Variants in FBXL13 observed in about 807,000 individuals in gnomAD.
FBXL13 encodes F-box and leucine rich repeat protein 13.
Under a neutral mutation model 83.6 loss-of-function variants are expected in FBXL13, and 67 were observed. The observed-to-expected ratio is 0.80, with a 90% CI of 0.66 to 0.98. The LOEUF is 0.98. FBXL13 is among the 50% of genes least tolerant of loss of function. FBXL13 has a pLI of 0.00. For synonymous variants in FBXL13, 272 were observed against 299.5 expected (o/e 0.91, Z 0.95); for missense variants, 822 against 866.5 (o/e 0.95, Z 0.64).
intron 1 of FBXL13, among the ~76,000 whole-genome samples, chr7:103,057,299 G>A (rs759028471): frequency 1.9e-4 from 29 of 152,172 alleles, no homozygotes; most frequent in Middle Eastern, 3.4e-3. Flanking sequence ...TCACTGTACC[G>A]TGAGGGTTTG....
intron 8 of FBXL13, chr7:102,933,027 A>G (rs1819523829): frequency 6.6e-6 from 1 of 152,250 alleles, no homozygotes; most frequent in African/African-American, 2.4e-5. Context: ...ACAGTAAACA[A>G]AAGAAGTTAA....
chr7:102,847,617 C>T (rs1263370933), intron 17 of FBXL13, among the ~76,000 whole-genome samples: 6 of 150,942 alleles, frequency 4.0e-5, no homozygotes, highest in African/African-American at 1.5e-4. Flanking sequence ...ACCTCTGCCT[C>T]CTGGGTTCCA....
chr7:103,065,032 CTGT>C (rs2129502075), intron 1 of FBXL13, among the ~76,000 whole-genome samples: 1 of 152,294 alleles, frequency 6.6e-6, no homozygotes, highest in South Asian at 2.1e-4. Flanking sequence ...TAAGTGATTC[CTGT>C]TGTTGTAAGC....
At chr7:103,012,862 A>G (rs1791806009) in intron 6 of FBXL13, among the ~76,000 whole-genome samples, 1 of 152,230 alleles carries the variant, frequency 6.6e-6, no homozygotes, top group African/African-American at 2.4e-5. Context: ...ACAGAGTGGA[A>G]AGCAAAACCC....
downstream of FBXL13, among the ~76,000 whole-genome samples, chr7:102,812,236 C>T (rs1261007005): frequency 2.0e-5 from 3 of 152,242 alleles, no homozygotes; most frequent in Non-Finnish European, 2.9e-5. Context: ...GTGCTCACTT[C>T]GGCAGCACAT....
Position 102,887,686 on chromosome 7 carries a change from A to G in FBXL13, c.1009-3374T>C, listed in dbSNP as rs182187923. Among the ~76,000 whole-genome samples, 21 of 152,324 alleles carry G rather than the reference A, an allele frequency of 1.4e-4. No homozygotes were observed. In the East Asian group the frequency reaches 3.7e-3, roughly 27 times the overall value. ...ATCTTCAACTGAATGAAGTTCACCC[A>G]CATTATAGAGGGGAGTCCACTTTAC... On this transcript the variant is annotated intron_variant, in intron 11 of 19. Coordinates refer to ENST00000313221, the Ensembl canonical transcript of FBXL13.
At chr7:102,962,139 G>GA (rs1201126333) in intron 8 of FBXL13, among the ~76,000 whole-genome samples, 5 of 150,644 alleles carry the variant, frequency 3.3e-5, no homozygotes, top group Admixed American at 1.3e-4. Context: ...AAATTTACAA[G>GA]AAAAAAACAA....
chr7:103,041,625 C>G (rs1234889843), intron 2 of FBXL13, among the ~76,000 whole-genome samples: 1 of 152,300 alleles, frequency 6.6e-6, no homozygotes, highest in East Asian at 1.9e-4. Flanking sequence ...TTATCCACCA[C>G]AATCAAGTTG....
intron 2 of FBXL13, among the ~76,000 whole-genome samples, chr7:103,044,589 A>C (rs1212380946): frequency 2.6e-5 from 4 of 152,238 alleles, no homozygotes; most frequent in Admixed American, 2.0e-4. Context: ...GAATAAATTA[A>C]CAAGATTGGC....
In FBXL13 at chr7:102,878,722, C is replaced by CT. The variant is rs145637376; in HGVS notation, c.1389-273dup. Reference sequence around the variant, plus strand: ...TAATAAGACAGATGGCCCTCAAGGTCTTTTTCTCTTGGGTTAAAAAGTGAT... The same window carrying CT: ...TAATAAGACAGATGGCCCTCAAGGTCTTTTTTCTCTTGGGTTAAAAAGTGAT... On this transcript the variant is annotated intron_variant, in intron 14 of 19. Coordinates refer to ENST00000313221, the Ensembl canonical transcript of FBXL13. Among the ~76,000 whole-genome samples the CT allele has an allele frequency of 3.8e-3, 580 of 152,220 alleles. 5 individuals are homozygous for CT. The highest frequency in any genetic ancestry group is 0.014 in the African/African-American group (573 of 41,536).
At chr7:102,965,757 A>G in intron 7 of FBXL13, among the ~76,000 whole-genome samples, 1 of 152,174 alleles carries the variant, frequency 6.6e-6, no homozygotes, top group East Asian at 1.9e-4. Flanking sequence ...ACGTCCCCCA[A>G]CAACTTCTCT....
At chr7:103,000,992 T>C (rs1459646117) in intron 6 of FBXL13, among the ~76,000 whole-genome samples, 1 of 152,222 alleles carries the variant, frequency 6.6e-6, no homozygotes, top group Non-Finnish European at 1.5e-5. Flanking sequence ...TTACCCAGGC[T>C]GGAGTGCAGT....
At chr7:102,947,812 C>T (rs1392297934) in intron 8 of FBXL13, among the ~76,000 whole-genome samples, 1 of 151,810 alleles carries the variant, frequency 6.6e-6, no homozygotes, top group African/African-American at 2.4e-5. Flanking sequence ...CTTTCCTAGT[C>T]GTAAGATTCT....
chr7:102,874,559 G>GT (rs367632188), intron 16 of FBXL13, among the ~76,000 whole-genome samples: 4 of 152,010 alleles, frequency 2.6e-5, no homozygotes, highest in African/African-American at 9.7e-5. Context: ...TAAGTTTTTT[G>GT]TTTTTTGTTT....
intron 2 of FBXL13, among the ~76,000 whole-genome samples, chr7:103,037,925 TG>T (rs1795233789): frequency 1.3e-5 from 2 of 151,954 alleles, no homozygotes; most frequent in Non-Finnish European, 2.9e-5. Flanking sequence ...CTGAGGTATC[TG>T]GTGCACCTCA....
chr7:102,896,830 A>G (rs10250490), intron 11 of FBXL13, among the ~76,000 whole-genome samples: 76,049 of 152,028 alleles, frequency 0.5, 22,622 homozygotes, highest in African/African-American at 0.84. Flanking sequence ...ATAAGGTCAT[A>G]TTCTGAGGTA....
chr7:102,903,939 C>CTTTTTTTTTTTTTTTTTT (rs1166655004), intron 11 of FBXL13, among the ~76,000 whole-genome samples: 3 of 43,468 alleles, frequency 6.9e-5, no homozygotes, highest in Non-Finnish European at 1.3e-4. Context: ...CTTTTCTTTT[C>CTTTTTTTTTTTTTTTTTT]TTTTTTTTTT....
intron 16 of FBXL13, among the ~76,000 whole-genome samples, chr7:102,874,730 C>T (rs1808988999): frequency 1.3e-5 from 2 of 152,028 alleles, no homozygotes; most frequent in African/African-American, 4.8e-5. Context: ...CCACACCCGG[C>T]TAATTTTTGT....
intron 16 of FBXL13, among the ~76,000 whole-genome samples, chr7:102,863,831 G>A (rs980216478): frequency 3.9e-5 from 6 of 152,020 alleles, no homozygotes; most frequent in Admixed American, 3.3e-4. Context: ...GTTCACAACT[G>A]ACCAAATAAA....
Sources: allele counts gnomAD v4.1 joint callset (sites outside exome capture counted in the v4.1 genomes callset), GRCh38; gene constraint gnomAD v4.1.1; transcripts MANE v1.5; gene names NCBI Gene and HGNC (gene_info 2026-07-23, HGNC 2026-07-21).